Variants in TFEB observed in about 807,000 individuals in gnomAD.
TFEB encodes the protein transcription factor EB.
A neutral mutation model predicts 48.0 loss-of-function variants in TFEB; 12 were observed. The ratio of observed to expected loss-of-function variants is 0.25; its 90% CI spans 0.16 to 0.40. The LOEUF is 0.40. TFEB is among the 10% of genes least tolerant of loss of function. The probability of loss-of-function intolerance (pLI) is 1.00; values close to 1 mark genes in which losing one functional copy is unlikely to be tolerated. For missense variants in TFEB, 509 were observed against 640.3 expected (o/e 0.79, Z 2.21); for synonymous variants, 244 against 261.4 (o/e 0.93, Z 0.64).
intron 1 of TFEB, among the ~76,000 whole-genome samples, chr6:41,693,233 G>T (rs1769403171): frequency 1.3e-5 from 2 of 152,180 alleles, no homozygotes; most frequent in African/African-American, 4.8e-5. Context: ...GTCAGCATTA[G>T]CAAAAAGAAC....
At chr6:41,711,852 C>T (rs1051747065) in intron 1 of TFEB, among the ~76,000 whole-genome samples, 3 of 152,314 alleles carry the variant, frequency 2.0e-5, no homozygotes, top group Non-Finnish European at 4.4e-5. Context: ...CTCATGGCAC[C>T]GAGCTGGGCT....
At chr6:41,694,322 C>T (rs1374487166) in intron 1 of TFEB, among the ~76,000 whole-genome samples, 1 of 152,150 alleles carries the variant, frequency 6.6e-6, no homozygotes, top group East Asian at 1.9e-4. Flanking sequence ...GAGAAGTGGA[C>T]ACAGTGAGGT....
In TFEB at chr6:41,690,891, T is replaced by C; in HGVS notation, c.240A>G (p.Thr80=). 5 of 1,600,162 alleles carry C rather than the reference T, an allele frequency of 3.1e-6. No individual in the cohort carries two copies. Among genetic ancestry groups the C allele is most frequent in the Non-Finnish European group, 4.3e-6 (5 of 1,171,276 alleles). Residue 80 remains threonine (T), a synonymous_variant, in exon 3 of 9, where the codon ACA becomes ACG. Coordinates refer to ENST00000373033, the MANE Select transcript of TFEB (RefSeq NM_001271944.2). ...GCTGCGACTGCTGCAGATGGTAGGATGTGGGATTCTCCAGGTAGGACTGCA... is the reference window on the plus strand; with the variant it reads ...GCTGCGACTGCTGCAGATGGTAGGACGTGGGATTCTCCAGGTAGGACTGCA... The part of the protein sequence containing the change: ...LKVQSYLENP[T]SYHLQQSQHQ...
At chr6:41,728,688 G>C (rs955110494) in intron 1 of TFEB, among the ~76,000 whole-genome samples, 2 of 152,238 alleles carry the variant, frequency 1.3e-5, no homozygotes, top group South Asian at 2.1e-4. Flanking sequence ...GGGGAGGGGG[G>C]GTTGGGGGAG....
chr6:41,736,047 G>A, upstream of TFEB: 1 of 1,493,408 alleles, frequency 6.7e-7, no homozygotes, highest in Non-Finnish European at 9.3e-7. Flanking sequence ...CCGATCATAA[G>A]GGGCAAGGCC....
At chr6:41,733,846 C>T (rs1771553409) in intron 1 of TFEB, 1 of 985,600 alleles carries the variant, frequency 1.0e-6, no homozygotes, top group Admixed American at 6.1e-5. Flanking sequence ...CCGAGCGCAT[C>T]CGCATCTGTC....
intron 1 of TFEB, among the ~76,000 whole-genome samples, chr6:41,696,526 C>A (rs1378365840): frequency 6.6e-6 from 1 of 152,020 alleles, no homozygotes; most frequent in Non-Finnish European, 1.5e-5. Flanking sequence ...AACCCCATCT[C>A]TATTAAAAAA....
At position 41,688,070 on chromosome 6, in the gene TFEB, C is replaced by G. The variant is rs1034055272; in HGVS notation, c.550-42G>C. 9 of 1,583,004 alleles carry G rather than the reference C, an allele frequency of 5.7e-6. No homozygotes were observed. The African/African-American group carries it at 1.2e-4, about 21-fold the overall frequency. On this transcript the variant is annotated intron_variant, in intron 4 of 8. Coordinates refer to ENST00000373033, the MANE Select transcript of TFEB (RefSeq NM_001271944.2). ...GAGGGAGACCCATGAGTATCCCCCTCTCCACGGGGAGCCCCCTCTAGGGCC... is the reference window on the plus strand; with the variant it reads ...GAGGGAGACCCATGAGTATCCCCCTGTCCACGGGGAGCCCCCTCTAGGGCC...
Position 41,690,989 on chromosome 6 carries a change from A to C in TFEB, c.213+12T>G. 1 of 1,572,948 alleles carries C rather than the reference A, an allele frequency of 6.4e-7. No individual in the cohort carries two copies. The highest frequency in any genetic ancestry group is 8.6e-7 in the Non-Finnish European group (1 of 1,156,644). The stretch of plus-strand genomic sequence containing the variant: ...GGGGACAGGGTGGGGGGCAGGCCAG[A>C]ACAGGCCCTACCTTCAACACCTCCC... On this transcript the variant is annotated intron_variant, in intron 2 of 8. Coordinates refer to ENST00000373033, the MANE Select transcript of TFEB (RefSeq NM_001271944.2).
upstream of TFEB, chr6:41,735,630 G>T: frequency 1.1e-6 from 1 of 916,334 alleles, no homozygotes; most frequent in Non-Finnish European, 1.3e-6. Context: ...TCCGCGCCCG[G>T]CAGAGGGCAG....
Position 41,691,721 on chromosome 6 carries a change from T to G in TFEB, c.-22-486A>C, listed in dbSNP as rs769183947. Among the ~76,000 whole-genome samples, 3 of 152,132 alleles carry G rather than the reference T, an allele frequency of 2.0e-5. No individual in the cohort carries two copies. The highest frequency in any genetic ancestry group is 4.8e-5 in the African/African-American group (2 of 41,394). On this transcript the variant is annotated intron_variant, in intron 1 of 8. Transcript: ENST00000373033. This position sits in a 1 kb window ranked among gnomAD's most constrained non-coding sequence, Gnocchi z 5.2. ...AACTCATTTAACTCCTGTTAAATCC[T>G]AAGTCAGATCCTGTCTTCCCCTCTG...
chr6:41,725,762 T>C (rs1007351125), intron 1 of TFEB, among the ~76,000 whole-genome samples: 3 of 152,186 alleles, frequency 2.0e-5, no homozygotes, highest in Admixed American at 2.0e-4. Context: ...CCCAAAATTA[T>C]ATATTTTTAA....
intron 1 of TFEB, among the ~76,000 whole-genome samples, chr6:41,725,794 C>T (rs1447379065): frequency 6.6e-6 from 1 of 152,170 alleles, no homozygotes; most frequent in East Asian, 1.9e-4. Flanking sequence ...AAATGCAATA[C>T]ACCAGGATGA....
chr6:41,707,733 G>C (rs1394025746), intron 1 of TFEB, among the ~76,000 whole-genome samples: 1 of 152,170 alleles, frequency 6.6e-6, no homozygotes, highest in African/African-American at 2.4e-5. Flanking sequence ...GCCTGTGCCA[G>C]GGCAAACAGG....
intron 6 of TFEB, 105 bp downstream of exon 6, chr6:41,687,648 G>A (rs776533220): frequency 1.4e-6 from 2 of 1,446,606 alleles, no homozygotes; most frequent in East Asian, 2.3e-5. Flanking sequence ...AATTGGCCTT[G>A]AGCAGGGAAG....
At chr6:41,721,610 G>A (rs945938581) in intron 1 of TFEB, among the ~76,000 whole-genome samples, 4 of 152,138 alleles carry the variant, frequency 2.6e-5, no homozygotes, top group East Asian at 1.9e-4. Context: ...TCTGCCTGGC[G>A]CGTGGCCCTC....
In TFEB at chr6:41,691,362, A is replaced by G; in HGVS notation, c.-22-127T>C. ...AGAGGAGAAGACACCGAGCCCTGAG[A>G]GGGGAAGAGATTTGCCCAAGGTCAC... is the stretch of plus-strand genomic sequence containing the variant. On this transcript the variant is annotated intron_variant, in intron 1 of 8. Coordinates refer to ENST00000373033, the MANE Select transcript of TFEB (RefSeq NM_001271944.2). This position sits in a 1 kb window ranked among gnomAD's most constrained non-coding sequence, Gnocchi z 5.2. 1 of 984,472 alleles carries G rather than the reference A, an allele frequency of 1.0e-6. No individual in the cohort carries two copies. The highest frequency in any genetic ancestry group is 1.6e-6 in the Non-Finnish European group (1 of 630,184). 61.0% of individuals were successfully genotyped at this position (984,472 alleles called of 1,614,324 possible).
At chr6:41,699,749 G>A (rs1258401171) in intron 1 of TFEB, among the ~76,000 whole-genome samples, 1 of 152,198 alleles carries the variant, frequency 6.6e-6, no homozygotes, top group Non-Finnish European at 1.5e-5. Flanking sequence ...CAGGACACCT[G>A]GTAAGTGTGC....
chr6:41,706,520 C>T (rs1015237553), intron 1 of TFEB, among the ~76,000 whole-genome samples: 1 of 151,810 alleles, frequency 6.6e-6, no homozygotes, highest in Admixed American at 6.6e-5. Flanking sequence ...CCCCCACCCC[C>T]ATCCTGCCCA....
Sources: allele counts gnomAD v4.1 joint callset (sites outside exome capture counted in the v4.1 genomes callset), GRCh38; gene constraint gnomAD v4.1.1; non-coding constraint Gnocchi (gnomAD v3.1); transcripts MANE v1.5; gene names NCBI Gene and HGNC (gene_info 2026-07-23, HGNC 2026-07-21).